TMEFF2: variants seen among roughly 807,000 people sequenced by gnomAD.
TMEFF2 encodes the protein transmembrane protein with EGF like and two follistatin like domains 2.
A neutral mutation model predicts 53.8 loss-of-function variants in TMEFF2; 28 were observed. The ratio of observed to expected loss-of-function variants is 0.52; its 90% CI spans 0.39 to 0.71. The LOEUF is 0.71. TMEFF2 is among the 30% of genes least tolerant of loss of function. The pLI, the probability that TMEFF2 is intolerant of heterozygous loss-of-function variation, is 0.00. For missense variants in TMEFF2, 353 were observed against 455.2 expected, an observed-to-expected ratio of 0.78 and a Z score of 2.04; for synonymous variants, 162 against 166.3, an observed-to-expected ratio of 0.97 and a Z score of 0.20.
rs747110005 is a variant in TMEFF2, at chr2:191,953,759, T to C, written c.948A>G (p.Arg316=). The change falls in exon 9 of 10, where the codon CGA becomes CGG. Residue 316 remains arginine (R), a synonymous_variant. Transcript: ENST00000272771. Reference sequence around the variant, plus strand: ...CAGCTGCGATTAAGACATACTGAAATCGTACAGGACCGGGAACAACGTATA... The same window carrying C: ...CAGCTGCGATTAAGACATACTGAAACCGTACAGGACCGGGAACAACGTATA... The part of the protein sequence containing the change: ...SVLYVVPGPV[R]FQYVLIAAVI... 1.2e-6 allele frequency: 2 copies of C among 1,613,986 alleles called. No homozygotes were observed. Among genetic ancestry groups the C allele is most frequent in the Non-Finnish European group, 1.7e-6 (2 of 1,180,004 alleles).
At chr2:192,184,211 A>G in intron 3 of TMEFF2, 143 bp downstream of exon 3, 2 of 1,087,068 alleles carry the variant, frequency 1.8e-6, no homozygotes, top group African/African-American at 1.6e-5. Flanking sequence ...GAATAAGAAT[A>G]ACAAATGTTT....
At chr2:192,067,028 A>G (rs1247498328) in intron 4 of TMEFF2, among the ~76,000 whole-genome samples, 5 of 151,848 alleles carry the variant, frequency 3.3e-5, no homozygotes, top group African/African-American at 4.8e-5. Context: ...TCCCAGTTAG[A>G]GGAGATTGAG....
At chr2:191,999,526 G>A (rs954526375) in intron 5 of TMEFF2, among the ~76,000 whole-genome samples, 3 of 151,898 alleles carry the variant, frequency 2.0e-5, no homozygotes, top group African/African-American at 7.2e-5. Flanking sequence ...ATATGAATAG[G>A]CTGAGGTCAT....
At chr2:192,188,828 TA>T (rs376584869) in intron 2 of TMEFF2, among the ~76,000 whole-genome samples, 104,246 of 137,032 alleles carry the variant, frequency 0.76, 37,439 homozygotes, top group East Asian at 0.84. Context: ...CCCGCTTTTC[TA>T]TCTATCTATC....
chr2:191,990,072 G>C (rs190137426), intron 7 of TMEFF2, among the ~76,000 whole-genome samples: 1 of 152,144 alleles, frequency 6.6e-6, no homozygotes, highest in African/African-American at 2.4e-5. Context: ...CTTCCCTCAA[G>C]CCTTAGCACT....
intron 5 of TMEFF2, among the ~76,000 whole-genome samples, chr2:192,013,051 G>A (rs1427598517): frequency 6.6e-6 from 1 of 152,180 alleles, no homozygotes; most frequent in Non-Finnish European, 1.5e-5. Flanking sequence ...CCTCAAGTCA[G>A]TTCATGCTGC....
In TMEFF2 at chr2:192,184,365, G is replaced by A. The variant is rs896314196; in HGVS notation, c.401C>T (p.Ser134Leu). The stretch of plus-strand genomic sequence containing the variant: ...GATCACACACATACCTGTGGCACAT[G>A]ATCCTTCTGACACCACAAGTATCTC... Reference protein sequence around the residue: ...QSEILVVSEGSCATDAGSGSG... With the variant: ...QSEILVVSEGLCATDAGSGSG... The change falls in exon 3 of 10, where the codon TCA (serine) becomes TTA (leucine). Residue 134 changes from serine (S) to leucine (L), a missense_variant. Around this residue, in one of 3 missense-constraint regions of TMEFF2, gnomAD observed 294 missense variants for 397.3 expected, o/e 0.74. Transcript: ENST00000272771. The A allele has an allele frequency of 2.5e-6, 4 of 1,613,072 alleles. No homozygotes were observed. Among genetic ancestry groups the A allele is most frequent in the Non-Finnish European group, 3.4e-6 (4 of 1,179,426 alleles).
chr2:192,017,887 T>C (rs891204731), intron 5 of TMEFF2, among the ~76,000 whole-genome samples: 1 of 152,182 alleles, frequency 6.6e-6, no homozygotes, highest in Non-Finnish European at 1.5e-5. Flanking sequence ...TCTACTTGAG[T>C]TGACCCTCCT....
intron 5 of TMEFF2, among the ~76,000 whole-genome samples, chr2:192,040,487 T>C (rs752215540): frequency 1.3e-5 from 2 of 152,136 alleles, no homozygotes; most frequent in Non-Finnish European, 2.9e-5. Flanking sequence ...TCTGTTAATG[T>C]ATAAGGATTA....
intron 4 of TMEFF2, among the ~76,000 whole-genome samples, chr2:192,099,087 C>G (rs1456352875): frequency 6.6e-6 from 1 of 152,106 alleles, no homozygotes; most frequent in Non-Finnish European, 1.5e-5. Context: ...AGGGAACCAG[C>G]ACAAAGCATG....
intron 5 of TMEFF2, chr2:192,031,665 A>G (rs1436984222): frequency 6.6e-6 from 1 of 152,206 alleles, no homozygotes; most frequent in East Asian, 1.9e-4. Context: ...GAGATTAGGT[A>G]ACTCAACTAA....
chr2:191,984,385 C>G (rs1685927217), intron 7 of TMEFF2, among the ~76,000 whole-genome samples: 1 of 152,044 alleles, frequency 6.6e-6, no homozygotes, highest in Admixed American at 6.6e-5. Flanking sequence ...TTGGTGACTT[C>G]CTTACTTTCT....
intron 2 of TMEFF2, among the ~76,000 whole-genome samples, chr2:192,186,523 G>T (rs1691316408): frequency 6.6e-6 from 1 of 152,104 alleles, no homozygotes; most frequent in African/African-American, 2.4e-5. Context: ...ACACTACAGT[G>T]GTGTCTGAGC....
chr2:192,016,194 A>G (rs1686740366), intron 5 of TMEFF2, among the ~76,000 whole-genome samples: 1 of 152,210 alleles, frequency 6.6e-6, no homozygotes, highest in Non-Finnish European at 1.5e-5. Context: ...ATTGAGAGAT[A>G]CAATTAACTC....
chr2:192,107,923 T>TAGAG (rs1464087943), intron 4 of TMEFF2, among the ~76,000 whole-genome samples: 4 of 151,340 alleles, frequency 2.6e-5, no homozygotes, highest in Admixed American at 6.6e-5. Flanking sequence ...TAATTCTAAT[T>TAGAG]CTATACAAAG....
In TMEFF2 at chr2:191,950,034, GTATTTATTATA is replaced by G; in HGVS notation, c.*266_*276del. 1 of 1,147,346 alleles carries G rather than the reference GTATTTATTATA, an allele frequency of 8.7e-7. No homozygotes were observed. Among genetic ancestry groups the G allele is most frequent in the Non-Finnish European group, 1.1e-6 (1 of 925,392 alleles). 71.1% of individuals were successfully genotyped at this position (1,147,346 alleles called of 1,614,324 possible). ...AATGCCAATTTTTTCTCATCACTGAGTATTTATTATATATAACAAATACATGGGAAAGAAAA... is the reference window on the plus strand; with the variant it reads ...AATGCCAATTTTTTCTCATCACTGAGTATAACAAATACATGGGAAAGAAAA... On this transcript the variant is annotated 3_prime_UTR_variant, in exon 10 of 10. Transcript: ENST00000272771.
At chr2:192,033,917 C>T (rs992927842) in intron 5 of TMEFF2, among the ~76,000 whole-genome samples, 9 of 151,940 alleles carry the variant, frequency 5.9e-5, no homozygotes, top group South Asian at 2.1e-4. Context: ...GGCTCACGCC[C>T]GTAATCCCAG....
At chr2:192,128,510 C>T (rs992683153) in intron 4 of TMEFF2, among the ~76,000 whole-genome samples, 4 of 152,092 alleles carry the variant, frequency 2.6e-5, no homozygotes, top group Non-Finnish European at 4.4e-5. Flanking sequence ...CCTGAATGTA[C>T]GGATAGAAAA....
At chr2:192,049,167 G>GTGTGTA (rs1553516797) in intron 5 of TMEFF2, among the ~76,000 whole-genome samples, 1 of 151,980 alleles carries the variant, frequency 6.6e-6, no homozygotes, top group Non-Finnish European at 1.5e-5. Context: ...GTGTGTGTGT[G>GTGTGTA]TGTGTGCATA....
Sources: gnomAD v4.1 joint callset for allele counts (sites outside exome capture counted in the v4.1 genomes callset) on GRCh38, gnomAD v4.1.1 for gene constraint, gnomAD v4.1.1 regional missense constraint, MANE v1.5 for transcripts, NCBI Gene and HGNC (gene_info 2026-07-23, HGNC 2026-07-21) for gene names.